UACA: variants seen among roughly 807,000 people sequenced by gnomAD.
UACA encodes the protein uveal autoantigen with coiled-coil domains and ankyrin repeats.
In UACA, 112 loss-of-function variants were observed where a neutral mutation model predicts 160.5. The observed-to-expected ratio is 0.70, with a 90% CI of 0.60 to 0.82. The LOEUF (loss-of-function observed/expected upper bound fraction) is 0.82, where lower values mean the gene tolerates loss of function less well. Among genes scored for constraint, UACA ranks in the 40% least tolerant of loss-of-function variants. The probability of loss-of-function intolerance (pLI) is 0.00; values close to 1 mark genes in which losing one functional copy is unlikely to be tolerated. For missense variants in UACA, 1,574 were observed against 1,614.6 expected (o/e 0.97, Z 0.43); for synonymous variants, 557 against 568.4 (o/e 0.98, Z 0.29).
intron 1 of UACA, among the ~76,000 whole-genome samples, chr15:70,722,843 A>AT (rs972993801): frequency 6.6e-6 from 1 of 152,132 alleles, no homozygotes; most frequent in South Asian, 2.1e-4. Flanking sequence ...AAGAGAAGCT[A>AT]TTTTTTTCTT....
intron 9 of UACA, among the ~76,000 whole-genome samples, chr15:70,680,537 A>T (rs1301814208): frequency 1.3e-5 from 2 of 152,222 alleles, no homozygotes; most frequent in Non-Finnish European, 2.9e-5. Flanking sequence ...TTTAAAAGAT[A>T]TTCTATATCC....
At chr15:70,737,742 C>A (rs937450524) in intron 1 of UACA, among the ~76,000 whole-genome samples, 14 of 152,064 alleles carry the variant, frequency 9.2e-5, no homozygotes, top group Non-Finnish European at 1.5e-5. Context: ...AATAAAAACA[C>A]TTGTTAGTCT....
chr15:70,769,288 G>A, the UACA span, among the ~76,000 whole-genome samples: 5 of 132,672 alleles, frequency 3.8e-5, no homozygotes, highest in African/African-American at 8.5e-5. Flanking sequence ...GCAGTGAGCC[G>A]AGATGACACC....
rs1181069400 is a variant in UACA at position 70,655,408 on chromosome 15, A to AG, written c.*1647dup. 6.6e-6 allele frequency: 1 copy of AG among 152,164 alleles called. No individual in the cohort carries two copies. The highest frequency in any genetic ancestry group is 2.4e-5 in the African/African-American group (1 of 41,412). The allele number at this position is 152,164 out of a possible 1,614,324, so 9.4% of individuals were successfully genotyped here. A position where few individuals can be genotyped will look rare whatever the true frequency, so the allele number is the denominator to read the frequency against. On this transcript the variant is annotated 3_prime_UTR_variant, in exon 19 of 19. Transcript: ENST00000322954. ...ATGCAGGGCTAATTTTTGTATTTTT[A>AG]GTAGAGATGGGGCTTCACCATATTG... is the stretch of plus-strand genomic sequence containing the variant.
intron 2 of UACA, among the ~76,000 whole-genome samples, chr15:70,695,651 C>G (rs1418250465): frequency 1.3e-5 from 2 of 151,424 alleles, no homozygotes; most frequent in Non-Finnish European, 2.9e-5. Context: ...CAAACATTAC[C>G]AACTAATTAC....
chr15:70,722,155 C>T (rs1027398891), intron 1 of UACA, among the ~76,000 whole-genome samples: 10 of 152,104 alleles, frequency 6.6e-5, no homozygotes, highest in African/African-American at 1.4e-4. Flanking sequence ...GCATTTTAAA[C>T]ACTTTATAAA....
the UACA span, among the ~76,000 whole-genome samples, chr15:70,775,119 A>G: frequency 3.3e-5 from 5 of 152,138 alleles, no homozygotes; most frequent in Non-Finnish European, 5.9e-5. Context: ...GAAAAATGGA[A>G]ATTTGGGAAA....
chr15:70,772,859 TG>T, the UACA span, among the ~76,000 whole-genome samples: 3 of 151,602 alleles, frequency 2.0e-5, no homozygotes, highest in Admixed American at 6.6e-5. Flanking sequence ...GAGGCCAAGG[TG>T]GGTGGATCAC....
intron 16 of UACA, 136 bp downstream of exon 16, chr15:70,666,588 A>AT: frequency 1.5e-6 from 1 of 686,364 alleles, no homozygotes; most frequent in Non-Finnish European, 2.2e-6. Context: ...TCAATTCGGA[A>AT]TTTTTGCACG....
chr15:70,723,786 C>G (rs1256080206), intron 1 of UACA, among the ~76,000 whole-genome samples: 1 of 152,102 alleles, frequency 6.6e-6, no homozygotes, highest in Non-Finnish European at 1.5e-5. Flanking sequence ...GTGCCTGCCA[C>G]CACACCCGGC....
chr15:70,726,671 T>C (rs1015561168), intron 1 of UACA, among the ~76,000 whole-genome samples: 2 of 152,186 alleles, frequency 1.3e-5, no homozygotes, highest in African/African-American at 4.8e-5. Context: ...AGCTATGGGA[T>C]GTGGTATTAG....
chr15:70,698,705 T>C (rs537230257), intron 2 of UACA, among the ~76,000 whole-genome samples: 13 of 152,292 alleles, frequency 8.5e-5, no homozygotes, highest in African/African-American at 3.1e-4. Flanking sequence ...AATAAATTCA[T>C]GCAAGTAAAG....
In UACA at chr15:70,699,385, G is replaced by C. The variant is rs563511031; in HGVS notation, c.212+142C>G. 2.6e-5 allele frequency: 23 copies of C among 879,746 alleles called. No individual in the cohort carries two copies. In the South Asian group the frequency reaches 3.8e-4, roughly 15 times the overall value. The allele number at this position is 879,746 out of a possible 1,614,324, so 54.5% of individuals were successfully genotyped here. A position where few individuals can be genotyped will look rare whatever the true frequency, so the allele number is the denominator to read the frequency against. ...TATTTTAAATTGAGAACAATTATTAGTTTGTTTGAAAGATTTTATAGTGCA... is the reference window on the plus strand; with the variant it reads ...TATTTTAAATTGAGAACAATTATTACTTTGTTTGAAAGATTTTATAGTGCA... On this transcript the variant is annotated intron_variant, in intron 2 of 18. Coordinates refer to ENST00000322954, the MANE Select transcript of UACA (RefSeq NM_018003.4).
In UACA at chr15:70,657,059, G is replaced by GCA. The variant is rs1227042530; in HGVS notation, c.4246_4247dup (p.Ter1417AlafsTer4). 1 of 1,612,280 alleles carries GCA rather than the reference G, an allele frequency of 6.2e-7. No individual in the cohort carries two copies. The highest frequency in any genetic ancestry group is 2.2e-5 in the East Asian group (1 of 44,892). On this transcript the variant is annotated frameshift_variant, in exon 19 of 19. Coordinates refer to ENST00000322954, the MANE Select transcript of UACA (RefSeq NM_018003.4). LOFTEE classifies it high-confidence loss of function. ...TACTGGCAGTCAGTGCTAACGGCTA[G>GCA]CACACAAGCCCCTGCCGCATTTGTA...
chr15:70,766,912 A>G (rs72755487), upstream of UACA, among the ~76,000 whole-genome samples: 27,517 of 152,154 alleles, frequency 0.18, 3,794 homozygotes, highest in African/African-American at 0.39. Flanking sequence ...GGCAAAAACG[A>G]TGACAAATAT....
the UACA span, among the ~76,000 whole-genome samples, chr15:70,770,199 A>C: frequency 5.9e-5 from 9 of 152,182 alleles, no homozygotes; most frequent in Admixed American, 1.3e-4. Context: ...TACTTGAATC[A>C]ATGTTTGTTT....
chr15:70,710,722 G>A (rs539221617), intron 1 of UACA, among the ~76,000 whole-genome samples: 54 of 152,328 alleles, frequency 3.5e-4, no homozygotes, highest in African/African-American at 1.3e-3. Flanking sequence ...ATGTTACCAA[G>A]CTTGCAGATC....
chr15:70,666,494 C>T (rs1896909294), intron 16 of UACA, among the ~76,000 whole-genome samples: 2 of 152,198 alleles, frequency 1.3e-5, no homozygotes, highest in South Asian at 4.1e-4. Context: ...TAAGTCTCCC[C>T]ATCGTTCCTG....
intron 13 of UACA, among the ~76,000 whole-genome samples, chr15:70,672,479 AAGAG>A (rs1025832134): frequency 2.6e-5 from 4 of 152,084 alleles, no homozygotes; most frequent in African/African-American, 9.7e-5. Flanking sequence ...TGAAAGTAAA[AAGAG>A]AGAGAGAGCA....
Sources: allele counts gnomAD v4.1 joint callset (sites outside exome capture counted in the v4.1 genomes callset), GRCh38; gene constraint gnomAD v4.1.1; transcripts MANE v1.5; gene names NCBI Gene and HGNC (gene_info 2026-07-23, HGNC 2026-07-21).